The following UVRAG variants were observed in gnomAD, a reference collection of about 807,000 sequenced individuals.
The protein encoded by UVRAG is UV radiation resistance-associated gene protein.
In UVRAG, 19 loss-of-function variants were observed where a neutral mutation model predicts 78.0. The ratio of observed to expected loss-of-function variants is 0.24; its 90% CI spans 0.17 to 0.36. The LOEUF is 0.36. UVRAG is among the 10% of genes least tolerant of loss of function. The pLI, the probability that UVRAG is intolerant of heterozygous loss-of-function variation, is 1.00. For synonymous variants in UVRAG, 323 were observed against 324.6 expected, an observed-to-expected ratio of 1.00 and a Z score of 0.05; for missense variants, 740 against 853.8, an observed-to-expected ratio of 0.87 and a Z score of 1.66.
intron 1 of UVRAG, among the ~76,000 whole-genome samples, chr11:75,824,834 C>T (rs368180809): frequency 9.2e-5 from 14 of 151,770 alleles, no homozygotes; most frequent in Admixed American, 5.2e-4. Flanking sequence ...CCACCACGCC[C>T]GGCTAATTTT....
At chr11:76,010,622 T>C (rs1950032610) in intron 11 of UVRAG, among the ~76,000 whole-genome samples, 1 of 152,180 alleles carries the variant, frequency 6.6e-6, no homozygotes, top group Admixed American at 6.5e-5. Context: ...TTTGGGTAAA[T>C]CATGTAATCT....
intron 4 of UVRAG, among the ~76,000 whole-genome samples, chr11:75,884,367 T>A (rs571506846): frequency 6.6e-6 from 1 of 152,250 alleles, no homozygotes; most frequent in East Asian, 1.9e-4. Flanking sequence ...AGATATGTAT[T>A]TTCCAATATT....
intron 8 of UVRAG, among the ~76,000 whole-genome samples, chr11:76,000,644 TTAGA>T: frequency 6.6e-6 from 1 of 151,354 alleles, no homozygotes; most frequent in South Asian, 2.1e-4. Context: ...AAGAAAAAAG[TTAGA>T]TAGATTAAAA....
chr11:76,054,248 T>C (rs1311624158), intron 12 of UVRAG, among the ~76,000 whole-genome samples: 1 of 152,180 alleles, frequency 6.6e-6, no homozygotes, highest in Non-Finnish European at 1.5e-5. Context: ...TCACACCTCA[T>C]AGAAGATCTG....
chr11:76,042,817 A>G (rs925507615), intron 12 of UVRAG, among the ~76,000 whole-genome samples: 2 of 152,228 alleles, frequency 1.3e-5, no homozygotes, highest in African/African-American at 4.8e-5. Flanking sequence ...AAAAAGACAC[A>G]CAGGAGAAAA....
chr11:75,868,640 T>A (rs902050158), intron 3 of UVRAG, among the ~76,000 whole-genome samples: 4 of 152,232 alleles, frequency 2.6e-5, no homozygotes, highest in African/African-American at 9.6e-5. Flanking sequence ...TCTCTTCTTG[T>A]GTTCAGGGAG....
intron 13 of UVRAG, among the ~76,000 whole-genome samples, chr11:76,090,051 C>T (rs1305890875): frequency 6.6e-6 from 1 of 152,170 alleles, no homozygotes; most frequent in Non-Finnish European, 1.5e-5. Context: ...TAAATGGAAA[C>T]CAGCCCTTTA....
chr11:76,054,788 G>A (rs1950945551), intron 12 of UVRAG, among the ~76,000 whole-genome samples: 2 of 152,206 alleles, frequency 1.3e-5, no homozygotes, highest in Non-Finnish European at 2.9e-5. Context: ...CATGAAGACA[G>A]GAACTTTTTT....
intron 7 of UVRAG, among the ~76,000 whole-genome samples, chr11:75,981,122 A>T (rs1455557103): frequency 2.0e-5 from 3 of 151,774 alleles, no homozygotes; most frequent in African/African-American, 7.3e-5. Context: ...TTTTAAATTT[A>T]AAATTTTTAG....
chr11:75,904,961 C>T (rs957637741), intron 5 of UVRAG, among the ~76,000 whole-genome samples: 5 of 151,934 alleles, frequency 3.3e-5, no homozygotes, highest in Non-Finnish European at 7.4e-5. Flanking sequence ...CTTACTTATG[C>T]GATAGGCAGA....
chr11:75,889,981 G>T (rs1565365597), intron 5 of UVRAG, among the ~76,000 whole-genome samples: 1 of 152,188 alleles, frequency 6.6e-6, no homozygotes, highest in Non-Finnish European at 1.5e-5. Context: ...GGAGTAGGGA[G>T]TAGGGGCTGA....
At chr11:76,070,537 T>C (rs1465580367) in intron 13 of UVRAG, among the ~76,000 whole-genome samples, 1 of 152,198 alleles carries the variant, frequency 6.6e-6, no homozygotes, top group Non-Finnish European at 1.5e-5. Flanking sequence ...CAAAACATCA[T>C]GTATACCTTC....
At chr11:76,072,125 A>G (rs1951322648) in intron 13 of UVRAG, among the ~76,000 whole-genome samples, 1 of 152,150 alleles carries the variant, frequency 6.6e-6, no homozygotes, top group Admixed American at 6.6e-5. Context: ...ACAAATACAG[A>G]CACACACGTA....
intron 13 of UVRAG, among the ~76,000 whole-genome samples, chr11:76,098,108 T>G (rs1951819205): frequency 6.6e-6 from 1 of 152,132 alleles, no homozygotes; most frequent in Admixed American, 6.6e-5. Context: ...CACGCTTGAA[T>G]CAGTTGAGAT....
intron 3 of UVRAG, 149 bp from the exon 4 acceptor site, chr11:75,879,730 T>G (rs1306308991): frequency 8.2e-6 from 8 of 972,138 alleles, no homozygotes; most frequent in Non-Finnish European, 1.2e-5. Context: ...TTTGTGTTAA[T>G]TGTAATGTCT....
chr11:75,888,135 T>C (rs182101586), intron 4 of UVRAG, among the ~76,000 whole-genome samples: 1 of 152,094 alleles, frequency 6.6e-6, no homozygotes, highest in African/African-American at 2.4e-5. Context: ...TAGGGCTTCA[T>C]TTTTTTTCTT....
At chr11:75,873,038 G>A (rs553397047) in intron 3 of UVRAG, among the ~76,000 whole-genome samples, 6 of 152,170 alleles carry the variant, frequency 3.9e-5, no homozygotes, top group Non-Finnish European at 5.9e-5. Flanking sequence ...GCCAGGTGCC[G>A]TAAGAAAGTT....
chr11:76,137,731 T>C (rs987946790), intron 14 of UVRAG: 3 of 296,224 alleles, frequency 1.0e-5, no homozygotes, highest in Non-Finnish European at 1.3e-5. Context: ...AGATCCTGTC[T>C]CTAAAAAAAA....
chr11:76,056,487 G>C (rs1319056092), intron 12 of UVRAG, among the ~76,000 whole-genome samples: 2 of 152,100 alleles, frequency 1.3e-5, no homozygotes, highest in Non-Finnish European at 1.5e-5. Context: ...TAAGAGTTCT[G>C]GTTGCTCCAC....
Sources: allele counts gnomAD v4.1 joint callset (sites outside exome capture counted in the v4.1 genomes callset), GRCh38; gene constraint gnomAD v4.1.1; transcripts MANE v1.5; gene names NCBI Gene and HGNC (gene_info 2026-07-23, HGNC 2026-07-21).